NR3C2: variants seen among roughly 807,000 people sequenced by gnomAD.
NR3C2 encodes the protein nuclear receptor subfamily 3 group C member 2, also known as mineralocorticoid receptor.
NR3C2 carries 15 observed loss-of-function variants against 86.4 expected under a neutral mutation model. The observed-to-expected ratio is 0.17, with a 90% CI of 0.12 to 0.27. NR3C2 has a LOEUF of 0.27. Among genes scored for constraint, NR3C2 ranks in the 10% least tolerant of loss-of-function variants. NR3C2 has a pLI of 1.00. For synonymous variants in NR3C2, 458 were observed against 450.5 expected (o/e 1.02, Z -0.21); for missense variants, 960 against 1,195.6 (o/e 0.80, Z 2.91).
At chr4:148,384,475 G>GTT (rs139815137) in intron 2 of NR3C2, among the ~76,000 whole-genome samples, 6 of 151,238 alleles carry the variant, frequency 4.0e-5, no homozygotes, top group African/African-American at 9.7e-5. Flanking sequence ...ATAAGAATTT[G>GTT]TTTTTTTTCA....
intron 2 of NR3C2, among the ~76,000 whole-genome samples, chr4:148,273,659 G>A (rs538656343): frequency 6.6e-6 from 1 of 152,160 alleles, no homozygotes; most frequent in Non-Finnish European, 1.5e-5. Context: ...AGGGAACTTA[G>A]AAGAGCCAAC....
Position 148,391,986 on chromosome 4 carries a change from T to C in NR3C2, c.1757+43118A>G, listed in dbSNP as rs1041384279. Among the ~76,000 whole-genome samples the C allele has an allele frequency of 3.8e-4, 58 of 151,840 alleles. No individual in the cohort carries two copies. In the Middle Eastern group the frequency reaches 0.01, roughly 27 times the overall value. On this transcript the variant is annotated intron_variant, in intron 2 of 8. Transcript: ENST00000358102. The stretch of plus-strand genomic sequence containing the variant: ...AAAAAACCTTTGGAGAAATAAAAAC[T>C]TTATGTATTTCAAGATAGTAAATTT...
At chr4:148,324,209 G>A (rs1049467930) in intron 2 of NR3C2, among the ~76,000 whole-genome samples, 1 of 152,098 alleles carries the variant, frequency 6.6e-6, no homozygotes, top group Non-Finnish European at 1.5e-5. Context: ...ATATAAATAA[G>A]GTCGCACGGT....
chr4:148,285,978 AAT>A (rs749611515), intron 2 of NR3C2, among the ~76,000 whole-genome samples: 1 of 152,252 alleles, frequency 6.6e-6, no homozygotes, highest in Non-Finnish European at 1.5e-5. Context: ...ATGATTTTGC[AAT>A]ATGTGTTTAA....
At chr4:148,163,813 C>T (rs972778161) in intron 4 of NR3C2, among the ~76,000 whole-genome samples, 1 of 152,126 alleles carries the variant, frequency 6.6e-6, no homozygotes, top group Non-Finnish European at 1.5e-5. Context: ...CATAAGCACA[C>T]TATGAGGTAG....
chr4:148,099,286 C>A (rs1437521102), intron 8 of NR3C2, among the ~76,000 whole-genome samples: 1 of 152,142 alleles, frequency 6.6e-6, no homozygotes, highest in Non-Finnish European at 1.5e-5. Flanking sequence ...CAAGGCCACA[C>A]CCCCATGACA....
chr4:148,289,101 C>A (rs1741673876), intron 2 of NR3C2, among the ~76,000 whole-genome samples: 1 of 152,020 alleles, frequency 6.6e-6, no homozygotes, highest in Non-Finnish European at 1.5e-5. Context: ...GTTTTTGAGA[C>A]AACCAAGGAA....
At chr4:148,357,742 A>G (rs1579200816) in intron 2 of NR3C2, among the ~76,000 whole-genome samples, 1 of 152,118 alleles carries the variant, frequency 6.6e-6, no homozygotes, top group South Asian at 2.1e-4. Context: ...CTGTTTATCA[A>G]TCTCCATTAT....
At chr4:148,101,504 C>A (rs1458705820) in intron 8 of NR3C2, among the ~76,000 whole-genome samples, 1 of 152,148 alleles carries the variant, frequency 6.6e-6, no homozygotes, top group Non-Finnish European at 1.5e-5. Flanking sequence ...GGGTTCAGGA[C>A]CTGCATCATT....
At chr4:148,426,725 ATTACTT>A (rs1006777229) in intron 2 of NR3C2, among the ~76,000 whole-genome samples, 2 of 152,182 alleles carry the variant, frequency 1.3e-5, no homozygotes, top group Non-Finnish European at 2.9e-5. Flanking sequence ...CCTGGGTAAT[ATTACTT>A]TTAACAGCAA....
chr4:148,361,014 T>C (rs1247080220), intron 2 of NR3C2, among the ~76,000 whole-genome samples: 1 of 152,190 alleles, frequency 6.6e-6, no homozygotes, highest in Non-Finnish European at 1.5e-5. Flanking sequence ...ATTGTAATTA[T>C]CTTTGTGTTT....
intron 3 of NR3C2, among the ~76,000 whole-genome samples, chr4:148,219,444 C>T (rs1440522902): frequency 1.3e-5 from 2 of 152,194 alleles, no homozygotes; most frequent in Admixed American, 1.3e-4. Context: ...CAAGGGTTCT[C>T]AAATTGTGGC....
chr4:148,241,593 C>T (rs1739050475), intron 3 of NR3C2, among the ~76,000 whole-genome samples: 1 of 152,084 alleles, frequency 6.6e-6, no homozygotes, highest in South Asian at 2.1e-4. Context: ...CTCTCCAGAC[C>T]ACACTGACTA....
chr4:148,313,085 T>A (rs1742982398), intron 2 of NR3C2, among the ~76,000 whole-genome samples: 2 of 152,146 alleles, frequency 1.3e-5, no homozygotes, highest in Admixed American at 1.3e-4. Flanking sequence ...TATTACCAAC[T>A]GCAGAGAATA....
chr4:148,093,282 G>A (rs1731139420), intron 8 of NR3C2, among the ~76,000 whole-genome samples: 2 of 152,212 alleles, frequency 1.3e-5, no homozygotes, highest in Admixed American at 1.3e-4. Flanking sequence ...GGGCAGGCCA[G>A]CGGCCACTCC....
intron 3 of NR3C2, among the ~76,000 whole-genome samples, chr4:148,234,681 T>TA (rs76089180): frequency 0.028 from 2,067 of 73,038 alleles, 22 homozygotes; most frequent in African/African-American, 0.048. Flanking sequence ...AGACTCCAAC[T>TA]AAAAAAAAAA....
chr4:148,206,142 ACTCTTTCCAAAGAAAGAGT>A (rs1424001610), intron 3 of NR3C2, among the ~76,000 whole-genome samples: 2 of 151,926 alleles, frequency 1.3e-5, no homozygotes, highest in Non-Finnish European at 2.9e-5. Context: ...AATCCAGATG[ACTCTTTCCAAAGAAAGAGT>A]CTTTGGGAAG....
At chr4:148,254,666 A>G (rs4835133) in intron 3 of NR3C2, among the ~76,000 whole-genome samples, 32,831 of 152,224 alleles carry the variant, frequency 0.22, 3,648 homozygotes, top group Admixed American at 0.29. Flanking sequence ...AGGCTCTTAC[A>G]GTAAATAATT....
intron 3 of NR3C2, among the ~76,000 whole-genome samples, chr4:148,206,293 C>T (rs1260476768): frequency 1.3e-5 from 2 of 152,188 alleles, no homozygotes; most frequent in East Asian, 1.9e-4. Context: ...GAAAAGCCAA[C>T]GCCATCCTAA....
Sources: allele counts gnomAD v4.1 joint callset (sites outside exome capture counted in the v4.1 genomes callset), GRCh38; gene constraint gnomAD v4.1.1; transcripts MANE v1.5; gene names NCBI Gene and HGNC (gene_info 2026-07-23, HGNC 2026-07-21).